SIRPB2: variants seen among roughly 807,000 people sequenced by gnomAD.
SIRPB2 encodes the protein signal regulatory protein beta 2, also known as signal-regulatory protein beta-2.
SIRPB2 carries 18 observed loss-of-function variants against 27.1 expected under a neutral mutation model. The ratio of observed to expected loss-of-function variants is 0.66; its 90% confidence interval spans 0.46 to 0.98. The LOEUF is 0.98. SIRPB2 is among the 50% of genes least tolerant of loss of function. SIRPB2 has a pLI of 0.00. For missense variants in SIRPB2, 420 were observed against 417.4 expected (o/e 1.01, Z -0.06); for synonymous variants, 150 against 164.6 (o/e 0.91, Z 0.68).
At position 1,479,722 on chromosome 20, in the gene SIRPB2, T is replaced by C; in HGVS notation, c.429A>G (p.Glu143=). 2 of 1,614,158 alleles carry C rather than the reference T, an allele frequency of 1.2e-6. No homozygotes were observed. The highest frequency in any genetic ancestry group is 1.7e-6 in the Non-Finnish European group (2 of 1,180,000). ...TACCCTTCACAAGCACTGAGGTGCCTTCATCCGATTTCATTTCTGAGTGTT... is the reference window on the plus strand; with the variant it reads ...TACCCTTCACAAGCACTGAGGTGCCCTCATCCGATTTCATTTCTGAGTGTT... ...LSEHSEMKSD[E]GTSVLVKGAG... The change falls in exon 2 of 5, where the codon GAA becomes GAG. Residue 143 remains glutamate, a synonymous_variant. Transcript: ENST00000359801.
At position 1,475,914 on chromosome 20, in the gene SIRPB2, T is replaced by C. The variant is rs2090602207; in HGVS notation, c.*253A>G. On this transcript the variant is annotated 3_prime_UTR_variant, in exon 5 of 5. Coordinates refer to ENST00000359801, the MANE Select transcript of SIRPB2 (RefSeq NM_001122962.2). ...AGGGCTGCAGCAGGGGCAAGGGTGTTGAGGAGAGACTGAGCCAGGGACTGA... is the reference window on the plus strand; with the variant it reads ...AGGGCTGCAGCAGGGGCAAGGGTGTCGAGGAGAGACTGAGCCAGGGACTGA... 1 of 432,270 alleles carries C rather than the reference T, an allele frequency of 2.3e-6. No homozygotes were observed. The highest frequency in any genetic ancestry group is 2.8e-5 in the South Asian group (1 of 35,740). The allele number at this position is 432,270 out of a possible 1,614,324, so 26.8% of individuals were successfully genotyped here. A position where few individuals can be genotyped will look rare whatever the true frequency, so the allele number is the denominator to read the frequency against.
intron 1 of SIRPB2, among the ~76,000 whole-genome samples, chr20:1,487,656 T>G (rs1266410686): frequency 1.3e-5 from 2 of 152,202 alleles, no homozygotes; most frequent in African/African-American, 4.8e-5. Context: ...TAAAAAGAGA[T>G]GAGGTCTCGC....
chr20:1,483,071 T>G (rs113958066), intron 1 of SIRPB2, among the ~76,000 whole-genome samples: 2 of 152,024 alleles, frequency 1.3e-5, no homozygotes, highest in Admixed American at 6.6e-5. Context: ...TTCCCACCAA[T>G]AGTGTATAAG....
In SIRPB2 at chr20:1,479,779, G is replaced by A; in HGVS notation, c.372C>T (p.Thr124=). 6.2e-7 allele frequency: 1 copy of A among 1,614,208 alleles called. No homozygotes were observed. ...AACCATCAAACCTCACACAGTGGTAGGTTCCAGTGTGCTCCCTGGTGACAT... is the reference window on the plus strand; with the variant it reads ...AACCATCAAACCTCACACAGTGGTAAGTTCCAGTGTGCTCCCTGGTGACAT... ...IHNVTREHTG[T]YHCVRFDGLS... Residue 124 remains threonine (T), a synonymous_variant, in exon 2 of 5, where the codon ACC becomes ACT. Transcript: ENST00000359801.
At chr20:1,477,662 T>A (rs2123010623) in intron 3 of SIRPB2, among the ~76,000 whole-genome samples, 1 of 152,354 alleles carries the variant, frequency 6.6e-6, no homozygotes, top group South Asian at 2.1e-4. Context: ...AGTAGATGTT[T>A]GTTGAATTAT....
At chr20:1,476,579 C>T in intron 4 of SIRPB2, 1 of 437,592 alleles carries the variant, frequency 2.3e-6, no homozygotes, top group Non-Finnish European at 3.0e-6. Context: ...CTCTGCTATT[C>T]CTAATTGCCT....
chr20:1,474,232 A>C (rs186994873), downstream of SIRPB2, among the ~76,000 whole-genome samples: 100 of 152,026 alleles, frequency 6.6e-4, no homozygotes, highest in South Asian at 8.9e-3. Context: ...TTTTCTTTTT[A>C]TTTTTACTTT....
chr20:1,478,159 G>T, intron 3 of SIRPB2, 107 bp downstream of exon 3: 2 of 1,042,086 alleles, frequency 1.9e-6, no homozygotes, highest in Non-Finnish European at 2.9e-6. Flanking sequence ...AAAAACTTAT[G>T]TAAAGACATG....
intron 1 of SIRPB2, among the ~76,000 whole-genome samples, chr20:1,485,445 T>G (rs2090715568): frequency 6.6e-6 from 1 of 151,948 alleles, no homozygotes; most frequent in African/African-American, 2.4e-5. Context: ...ATATAAAAAT[T>G]TGCGGGATTC....
chr20:1,472,795 T>C (rs984782825), downstream of SIRPB2: 1 of 152,188 alleles, frequency 6.6e-6, no homozygotes, highest in African/African-American at 2.4e-5. Context: ...CTGCCATGTA[T>C]GTAGTTCAGG....
In SIRPB2 at chr20:1,477,832, C is replaced by T. The variant is rs573401769; in HGVS notation, c.794-429G>A. Among the ~76,000 whole-genome samples, 229 of 152,264 alleles carry T rather than the reference C, an allele frequency of 1.5e-3. 2 individuals are homozygous for T. Among genetic ancestry groups the T allele is most frequent in the African/African-American group, 5.3e-3 (221 of 41,550 alleles). On this transcript the variant is annotated intron_variant, in intron 3 of 4. Coordinates refer to ENST00000359801, the MANE Select transcript of SIRPB2 (RefSeq NM_001122962.2). ...CTGGGATTACAGGCATGCACCACCA[C>T]GCCTGACTAATTTTGTATTTTTATT...
chr20:1,476,429 C>CT (rs1458533161), intron 4 of SIRPB2, 93 bp from the exon 5 acceptor site: 18 of 1,275,612 alleles, frequency 1.4e-5, no homozygotes, highest in Non-Finnish European at 1.9e-5. Context: ...TCACATCCTG[C>CT]TGCTGTATAA....
downstream of SIRPB2, chr20:1,472,607 A>T (rs919592554): frequency 9.9e-5 from 15 of 152,204 alleles, no homozygotes; most frequent in Non-Finnish European, 2.2e-4. Context: ...CTTATGTGCC[A>T]GGTGCTGCAC....
At chr20:1,491,180 G>C in intron 1 of SIRPB2, 95 bp downstream of exon 1, 2 of 1,140,462 alleles carry the variant, frequency 1.8e-6, no homozygotes, top group Non-Finnish European at 2.5e-6. Flanking sequence ...TATCTTCATG[G>C]GGTCAAGCTT....
intron 3 of SIRPB2, 146 bp from the exon 4 acceptor site, chr20:1,477,549 C>T (rs1251523915): frequency 7.2e-6 from 10 of 1,396,918 alleles, no homozygotes; most frequent in Non-Finnish European, 9.5e-6. Context: ...CTATGAAGGA[C>T]AAAGTTAGAC....
chr20:1,483,003 T>G (rs189344776), intron 1 of SIRPB2, among the ~76,000 whole-genome samples: 7 of 152,316 alleles, frequency 4.6e-5, no homozygotes, highest in African/African-American at 1.7e-4. Context: ...GGCAGTTCTA[T>G]TTTTAGATTT....
At chr20:1,489,901 C>T (rs1213674875) in intron 1 of SIRPB2, among the ~76,000 whole-genome samples, 2 of 152,124 alleles carry the variant, frequency 1.3e-5, no homozygotes, top group South Asian at 2.1e-4. Flanking sequence ...TATTGAGCAA[C>T]ACAGCAGAAC....
chr20:1,490,060 T>C (rs906779625), intron 1 of SIRPB2, among the ~76,000 whole-genome samples: 5 of 152,112 alleles, frequency 3.3e-5, no homozygotes, highest in African/African-American at 4.8e-5. Flanking sequence ...TTATTTTCCA[T>C]CTATTCTATT....
intron 4 of SIRPB2, chr20:1,476,848 C>T: frequency 9.0e-7 from 1 of 1,117,152 alleles, no homozygotes; most frequent in South Asian, 2.1e-5. Context: ...AGGCACAGTT[C>T]TGGACACCTG....
Sources: gnomAD v4.1 joint callset for allele counts (sites outside exome capture counted in the v4.1 genomes callset) on GRCh38, gnomAD v4.1.1 for gene constraint, MANE v1.5 for transcripts, NCBI Gene and HGNC (gene_info 2026-07-23, HGNC 2026-07-21) for gene names.